The following ANO3 variants were observed in gnomAD, a reference collection of about 807,000 sequenced individuals.
ANO3 encodes the protein anoctamin-3.
In ANO3, 99 loss-of-function variants were observed where a neutral mutation model predicts 144.8. That is an observed-to-expected ratio of 0.68 (90% CI 0.58 to 0.81). The LOEUF is 0.81. Among genes scored for constraint, ANO3 ranks in the 30% least tolerant of loss-of-function variants. The pLI, the probability that ANO3 is intolerant of heterozygous loss-of-function variation, is 0.00. For missense variants in ANO3, 905 were observed against 1,202.2 expected (o/e 0.75, Z 3.66); for synonymous variants, 414 against 392.6 (o/e 1.05, Z -0.64).
At chr11:26,469,250 A>G (rs1465693153) in intron 4 of ANO3, among the ~76,000 whole-genome samples, 3 of 151,916 alleles carry the variant, frequency 2.0e-5, no homozygotes, top group East Asian at 3.9e-4. Flanking sequence ...AAATTTTCCA[A>G]AAGATTTAGT....
intron 17 of ANO3, among the ~76,000 whole-genome samples, chr11:26,605,260 G>A (rs1428433537): frequency 1.3e-5 from 2 of 152,102 alleles, no homozygotes; most frequent in African/African-American, 4.8e-5. Context: ...TATCCCAGGG[G>A]TGAAGCCAAC....
intron 1 of ANO3, among the ~76,000 whole-genome samples, chr11:26,218,534 C>A (rs1051924098): frequency 1.3e-5 from 2 of 152,120 alleles, no homozygotes; most frequent in African/African-American, 4.8e-5. Context: ...TACTCCCTGG[C>A]CCTTTATGTC....
At chr11:26,248,450 A>G (rs1301604879) in intron 1 of ANO3, among the ~76,000 whole-genome samples, 5 of 152,218 alleles carry the variant, frequency 3.3e-5, no homozygotes, top group African/African-American at 9.6e-5. Flanking sequence ...GGGTTATCAT[A>G]TATGCCTCTG....
chr11:26,235,894 A>G (rs953637781), intron 1 of ANO3, among the ~76,000 whole-genome samples: 4 of 152,104 alleles, frequency 2.6e-5, no homozygotes, highest in African/African-American at 7.2e-5. Flanking sequence ...CCTCCATTCT[A>G]TAGTTTTCCC....
At chr11:26,541,887 TACTC>T (rs1271004807) in intron 10 of ANO3, 56 bp from the exon 11 acceptor site, 32 of 1,509,792 alleles carry the variant, frequency 2.1e-5, no homozygotes, top group African/African-American at 2.0e-4. Flanking sequence ...ATACAGTTCT[TACTC>T]AGTTAAAATT....
intron 1 of ANO3, among the ~76,000 whole-genome samples, chr11:26,310,378 G>T (rs1177843877): frequency 6.6e-6 from 1 of 152,146 alleles, no homozygotes; most frequent in Non-Finnish European, 1.5e-5. Context: ...GTTAGACGGA[G>T]AATAGATCAT....
intron 1 of ANO3, among the ~76,000 whole-genome samples, chr11:26,257,462 G>A (rs185405787): frequency 6.6e-6 from 1 of 152,072 alleles, no homozygotes; most frequent in African/African-American, 2.4e-5. Flanking sequence ...ACACTCAATG[G>A]TTCAGTTCTT....
intron 18 of ANO3, among the ~76,000 whole-genome samples, chr11:26,627,061 T>A (rs930073079): frequency 6.6e-6 from 1 of 152,086 alleles, no homozygotes; most frequent in African/African-American, 2.4e-5. Flanking sequence ...ACTTACTACA[T>A]TATCATAGTT....
intron 17 of ANO3, among the ~76,000 whole-genome samples, chr11:26,604,948 C>T (rs1851896456): frequency 6.6e-6 from 1 of 152,166 alleles, no homozygotes; most frequent in Admixed American, 6.5e-5. Context: ...ACTTGCAATA[C>T]TATGTTGAAT....
chr11:26,623,984 C>T (rs1186641486), intron 17 of ANO3, among the ~76,000 whole-genome samples: 1 of 151,870 alleles, frequency 6.6e-6, no homozygotes, highest in Non-Finnish European at 1.5e-5. Flanking sequence ...GACGGGGTTT[C>T]ACCCTGTTAG....
intron 9 of ANO3, 46 bp downstream of exon 9, chr11:26,534,608 T>C: frequency 7.5e-7 from 1 of 1,339,298 alleles, no homozygotes; most frequent in Non-Finnish European, 1.1e-6. Flanking sequence ...TGTTACTATT[T>C]ATACCCAGAA....
chr11:26,267,780 T>C (rs1299651666), intron 1 of ANO3, among the ~76,000 whole-genome samples: 1 of 152,196 alleles, frequency 6.6e-6, no homozygotes, highest in Non-Finnish European at 1.5e-5. Context: ...ATTTACATAA[T>C]ATTCCCTTTG....
chr11:26,273,219 T>C (rs916086871), intron 1 of ANO3, among the ~76,000 whole-genome samples: 1 of 146,784 alleles, frequency 6.8e-6, no homozygotes, highest in East Asian at 2.0e-4. Context: ...AGGGATTGCC[T>C]TTTAAAGTTT....
intron 7 of ANO3, among the ~76,000 whole-genome samples, chr11:26,530,398 G>A: frequency 8.0e-6 from 1 of 125,128 alleles, no homozygotes; most frequent in Non-Finnish European, 1.7e-5. Flanking sequence ...CACTTTTCTA[G>A]AGCCACAAAG....
At chr11:26,394,277 G>A (rs922197824) in intron 1 of ANO3, among the ~76,000 whole-genome samples, 1 of 152,074 alleles carries the variant, frequency 6.6e-6, no homozygotes, top group African/African-American at 2.4e-5. Flanking sequence ...AGATGAATGA[G>A]AACTGAAAAC....
At chr11:26,439,888 A>C (rs1306350512) in intron 1 of ANO3, among the ~76,000 whole-genome samples, 2 of 152,218 alleles carry the variant, frequency 1.3e-5, no homozygotes, top group Non-Finnish European at 2.9e-5. Context: ...AATTTTATTT[A>C]CTTCTATAAT....
intron 1 of ANO3, among the ~76,000 whole-genome samples, chr11:26,383,444 G>A (rs1285013806): frequency 7.2e-5 from 11 of 151,970 alleles, no homozygotes; most frequent in Admixed American, 4.6e-4. Flanking sequence ...CACATTTGAC[G>A]CTATGGTTCA....
In ANO3 at chr11:26,225,425, A is replaced by G. The variant is rs553131016; in HGVS notation, c.154+36095A>G. On this transcript the variant is annotated intron_variant, in intron 1 of 27. Transcript: ENST00000672621. Reference sequence around the variant, plus strand: ...CAAAAACACTAACTGCAGAAAAATAACGTTATTTTTGTTAATTAGCTGCCT... The same window carrying G: ...CAAAAACACTAACTGCAGAAAAATAGCGTTATTTTTGTTAATTAGCTGCCT... 3.9e-5 allele frequency among the ~76,000 whole-genome samples: 6 copies of G among 152,160 alleles called. No individual in the cohort carries two copies. The South Asian group carries it at 1.0e-3, about 26-fold the overall frequency.
intron 1 of ANO3, among the ~76,000 whole-genome samples, chr11:26,268,579 C>A (rs1853365743): frequency 6.6e-6 from 1 of 152,040 alleles, no homozygotes; most frequent in Admixed American, 6.6e-5. Context: ...GTCAGCTTTG[C>A]ACGTGTGTAT....
Sources: gnomAD v4.1 joint callset for allele counts (sites outside exome capture counted in the v4.1 genomes callset) on GRCh38, gnomAD v4.1.1 for gene constraint, MANE v1.5 for transcripts, NCBI Gene and HGNC (gene_info 2026-07-23, HGNC 2026-07-21) for gene names.